The following FBXL5 variants were observed in gnomAD, a reference collection of about 807,000 sequenced individuals.
FBXL5 encodes the protein F-box/LRR-repeat protein 5.
FBXL5 carries 26 observed loss-of-function variants against 78.3 expected under a neutral mutation model. The ratio of observed to expected loss-of-function variants is 0.33; its 90% CI spans 0.24 to 0.46. FBXL5 has a LOEUF of 0.46. Among genes scored for constraint, FBXL5 ranks in the 20% least tolerant of loss-of-function variants. The pLI is 1.00. For missense variants in FBXL5, 710 were observed against 829.2 expected (o/e 0.86, Z 1.77); for synonymous variants, 295 against 282.5 (o/e 1.04, Z -0.45).
At chr4:15,656,223 A>G, upstream of FBXL5, 1 of 456,184 alleles carries the variant, frequency 2.2e-6, no homozygotes, top group South Asian at 1.5e-5. Flanking sequence ...AAACAAGGTC[A>G]CTAACCCAGG....
intron 6 of FBXL5, among the ~76,000 whole-genome samples, chr4:15,630,033 G>A (rs1250719907): frequency 6.6e-6 from 1 of 152,020 alleles, no homozygotes. Flanking sequence ...GCACAAGTAT[G>A]ACAGCATTTT....
intron 9 of FBXL5, among the ~76,000 whole-genome samples, chr4:15,617,438 C>G (rs1315393929): frequency 6.6e-6 from 1 of 151,156 alleles, no homozygotes; most frequent in African/African-American, 2.4e-5. Context: ...GTCCCAGCTA[C>G]TCTGGAGGCT....
chr4:15,640,713 T>A (rs992770430), intron 3 of FBXL5, 75 bp downstream of exon 3: 2 of 765,546 alleles, frequency 2.6e-6, no homozygotes, highest in African/African-American at 3.7e-5. Context: ...ATGCATTATT[T>A]TGAAGAGTCT....
chr4:15,628,791 A>ACACACG (rs1560221972), intron 6 of FBXL5, among the ~76,000 whole-genome samples: 1 of 78,424 alleles, frequency 1.3e-5, no homozygotes, highest in African/African-American at 4.2e-5. Flanking sequence ...ACACACACGC[A>ACACACG]CACACACACA....
In FBXL5 at chr4:15,630,632, A is replaced by T. The variant is rs767870961; in HGVS notation, c.892+34T>A. The T allele has an allele frequency of 2.0e-6, 3 of 1,505,164 alleles. No individual in the cohort carries two copies. The East Asian group carries it at 7.1e-5, about 36-fold the overall frequency. 93.2% of individuals were successfully genotyped at this position (1,505,164 alleles called of 1,614,324 possible). On this transcript the variant is annotated intron_variant, in intron 6 of 10. Transcript: ENST00000341285. ...GTACTTAATTATCAATTATTAAAAC[A>T]CTATGTAATAATTTTAATTCCAAAC...
chr4:15,680,629 C>T (rs6850169), intron 1 of FBXL5, among the ~76,000 whole-genome samples: 103,966 of 151,840 alleles, frequency 0.68, 35,746 homozygotes, highest in East Asian at 0.8. Flanking sequence ...TGAGCCGAGG[C>T]TGCGCCACTG....
At chr4:15,649,510 G>T (rs775996054) in intron 1 of FBXL5, among the ~76,000 whole-genome samples, 8 of 148,646 alleles carry the variant, frequency 5.4e-5, no homozygotes, top group Non-Finnish European at 1.0e-4. Flanking sequence ...AACCCGGGAG[G>T]CAGAGGTTGC....
intron 7 of FBXL5, 119 bp from the exon 8 acceptor site, chr4:15,627,074 C>A (rs1198138422): frequency 6.2e-6 from 3 of 480,582 alleles, no homozygotes; most frequent in East Asian, 7.0e-5. Context: ...AAAAAAATCA[C>A]TTGAATACTT....
intron 10 of FBXL5, among the ~76,000 whole-genome samples, chr4:15,608,360 T>C (rs997717756): frequency 6.6e-6 from 1 of 152,038 alleles, no homozygotes; most frequent in Non-Finnish European, 1.5e-5. Flanking sequence ...CCAAAAGATG[T>C]AGGGTCCACA....
intron 1 of FBXL5, among the ~76,000 whole-genome samples, chr4:15,676,241 T>A (rs1717987465): frequency 6.6e-6 from 1 of 152,236 alleles, no homozygotes; most frequent in South Asian, 2.1e-4. Flanking sequence ...TGCAATAGGA[T>A]GTTTATAAAC....
At chr4:15,668,346 T>G (rs930789757) in intron 1 of FBXL5, among the ~76,000 whole-genome samples, 2 of 151,952 alleles carry the variant, frequency 1.3e-5, no homozygotes, top group African/African-American at 4.8e-5. Flanking sequence ...AATGATGAAG[T>G]AAAAACTGCT....
At chr4:15,660,415 C>T (rs1211324361), upstream of FBXL5, among the ~76,000 whole-genome samples, 4 of 152,028 alleles carry the variant, frequency 2.6e-5, no homozygotes, top group Non-Finnish European at 5.9e-5. Flanking sequence ...AACAGAGTAC[C>T]AAAAAATCCC....
chr4:15,618,557 T>C (rs1003491317), intron 9 of FBXL5, among the ~76,000 whole-genome samples: 14 of 152,306 alleles, frequency 9.2e-5, no homozygotes, highest in Admixed American at 8.5e-4. Context: ...AGAATTAACA[T>C]TGGCTGGGCG....
rs777532798 is a variant in FBXL5, at chr4:15,626,023, C to CA, written c.1125-47dup. The CA allele has an allele frequency of 7.4e-5, 110 of 1,479,546 alleles. 1 individual carries two copies. The South Asian group carries it at 9.2e-4, about 12-fold the overall frequency. The allele number at this position is 1,479,546 out of a possible 1,614,324, so 91.7% of individuals were successfully genotyped here. A position where few individuals can be genotyped will look rare whatever the true frequency, so the allele number is the denominator to read the frequency against. ...TATTAATGAATATTGTTAAATTTTT[C>CA]AAAAGCATTTGACTATATGCATGTA... On this transcript the variant is annotated intron_variant, in intron 8 of 10. Coordinates refer to ENST00000341285, the MANE Select transcript of FBXL5 (RefSeq NM_012161.4).
chr4:15,638,879 T>C (rs1248598024), intron 3 of FBXL5, among the ~76,000 whole-genome samples, 185 bp from the exon 4 acceptor site: 1 of 152,140 alleles, frequency 6.6e-6, no homozygotes, highest in Non-Finnish European at 1.5e-5. Flanking sequence ...ACCAAGAAGA[T>C]CCTGGCCAGG....
At chr4:15,642,066 A>G (rs955948307) in intron 2 of FBXL5, among the ~76,000 whole-genome samples, 8 of 151,864 alleles carry the variant, frequency 5.3e-5, no homozygotes, top group African/African-American at 7.3e-5. Context: ...GTAAGGTCAT[A>G]TATATCAATA....
At position 15,638,352 on chromosome 4, in the gene FBXL5, G is replaced by A. The variant is rs1008495583; in HGVS notation, c.583+156C>T. The stretch of plus-strand genomic sequence containing the variant: ...ACTAAATTCTAAAATGAGAACCATC[G>A]TCTTCAATTAAATTGATACATGAAA... On this transcript the variant is annotated intron_variant, in intron 4 of 10. Transcript: ENST00000341285. Among the ~76,000 whole-genome samples, 12 of 152,212 alleles carry A rather than the reference G, an allele frequency of 7.9e-5. No homozygotes were observed. In the East Asian group the frequency reaches 9.6e-4, roughly 12 times the overall value.
At chr4:15,679,108 G>T (rs902702366) in intron 1 of FBXL5, among the ~76,000 whole-genome samples, 1 of 146,858 alleles carries the variant, frequency 6.8e-6, no homozygotes, top group African/African-American at 2.5e-5. Flanking sequence ...CTCTCACCAG[G>T]CTGGAGTGCA....
intron 5 of FBXL5, among the ~76,000 whole-genome samples, chr4:15,636,075 A>G (rs1714231487): frequency 6.6e-6 from 1 of 152,004 alleles, no homozygotes; most frequent in Admixed American, 6.6e-5. Context: ...TTTATTCTGT[A>G]TTTTAAAAAT....
Sources: allele counts gnomAD v4.1 joint callset (sites outside exome capture counted in the v4.1 genomes callset), GRCh38; gene constraint gnomAD v4.1.1; transcripts MANE v1.5; gene names NCBI Gene and HGNC (gene_info 2026-07-23, HGNC 2026-07-21).